Variants in CYTH1 observed in about 807,000 individuals in gnomAD.
The protein encoded by CYTH1 is cytohesin 1, also known as cytohesin-1.
Under a neutral mutation model 61.8 loss-of-function variants are expected in CYTH1, and 18 were observed. That is an observed-to-expected ratio of 0.29 (90% CI 0.20 to 0.43). The LOEUF (loss-of-function observed/expected upper bound fraction) is 0.43. Among genes scored for constraint, CYTH1 ranks in the 20% least tolerant of loss-of-function variants. The pLI is 1.00. For missense variants in CYTH1, 336 were observed against 510.5 expected (o/e 0.66, Z 3.29); for synonymous variants, 174 against 184.3 (o/e 0.94, Z 0.45).
At chr17:78,695,409 T>G (rs1475139303) in intron 10 of CYTH1, among the ~76,000 whole-genome samples, 5 of 152,180 alleles carry the variant, frequency 3.3e-5, no homozygotes, top group Non-Finnish European at 7.3e-5. Context: ...CGGTATCATT[T>G]TGAGTTTAGG....
chr17:78,772,099 C>A lies in CYTH1; in HGVS notation c.22+10103G>T, dbSNP rs557861111. ...ACTAAATTGCAACAATAATTAGAGA[C>A]AATCAAGTAGTGTGGCAACGGAGCA... On this transcript the variant is annotated intron_variant, in intron 1 of 13. Transcript: ENST00000446868. 7.9e-5 allele frequency among the ~76,000 whole-genome samples: 12 copies of A among 152,144 alleles called. No individual in the cohort carries two copies. In the South Asian group the frequency reaches 8.3e-4, roughly 10 times the overall value.
At chr17:78,737,198 C>T (rs1279673841) in intron 1 of CYTH1, among the ~76,000 whole-genome samples, 3 of 152,180 alleles carry the variant, frequency 2.0e-5, no homozygotes, top group South Asian at 2.1e-4. Context: ...CCAAAACCCA[C>T]GGATGCTTGA....
chr17:78,702,290 G>T, intron 4 of CYTH1, 50 bp from the exon 5 acceptor site: 1 of 1,461,438 alleles, frequency 6.8e-7, no homozygotes, highest in Non-Finnish European at 9.6e-7. Context: ...GGAAACAGTT[G>T]AAAAGAAGGG....
intron 3 of CYTH1, among the ~76,000 whole-genome samples, chr17:78,704,640 C>A (rs891565299): frequency 6.6e-6 from 1 of 152,182 alleles, no homozygotes; most frequent in Non-Finnish European, 1.5e-5. Flanking sequence ...CCGGCCTCAG[C>A]CTCCTGAGTA....
chr17:78,735,339 G>A (rs1008091456), intron 1 of CYTH1, among the ~76,000 whole-genome samples: 4 of 152,200 alleles, frequency 2.6e-5, no homozygotes, highest in African/African-American at 7.2e-5. Context: ...GCAAGTAAGC[G>A]TGAGGGACCA....
chr17:78,712,612 TGCCACTGCACTCCA>T (rs2093145783), intron 1 of CYTH1, among the ~76,000 whole-genome samples: 2 of 151,518 alleles, frequency 1.3e-5, no homozygotes, highest in African/African-American at 2.4e-5. Flanking sequence ...GCTGAGATCG[TGCCACTGCACTCCA>T]GCCTAGGCAA....
chr17:78,752,124 A>AT (rs2144676374), intron 1 of CYTH1, among the ~76,000 whole-genome samples: 2 of 152,286 alleles, frequency 1.3e-5, no homozygotes, highest in South Asian at 4.1e-4. Context: ...AATTTGCAAC[A>AT]TATTTCCTAG....
At chr17:78,694,428 C>G (rs2092918499) in intron 10 of CYTH1, among the ~76,000 whole-genome samples, 1 of 152,162 alleles carries the variant, frequency 6.6e-6, no homozygotes, top group Non-Finnish European at 1.5e-5. Context: ...TAAGAGAAAA[C>G]CATAAATGGA....
chr17:78,701,569 T>A, intron 6 of CYTH1, 102 bp downstream of exon 6: 2 of 1,082,786 alleles, frequency 1.8e-6, no homozygotes, highest in Non-Finnish European at 2.8e-6. Flanking sequence ...ATTCAAATCA[T>A]ACCCAAAGAT....
chr17:78,772,834 C>G (rs1365036945), intron 1 of CYTH1, among the ~76,000 whole-genome samples: 3 of 149,886 alleles, frequency 2.0e-5, no homozygotes, highest in Non-Finnish European at 3.0e-5. Context: ...CCACACCTGG[C>G]CTGTTTTGTT....
At chr17:78,746,116 C>T (rs1274637833) in intron 1 of CYTH1, among the ~76,000 whole-genome samples, 1 of 151,554 alleles carries the variant, frequency 6.6e-6, no homozygotes, top group Non-Finnish European at 1.5e-5. Flanking sequence ...CAGACATAGG[C>T]AAAAAACTAT....
intron 10 of CYTH1, among the ~76,000 whole-genome samples, chr17:78,695,037 T>C (rs1189890744): frequency 6.6e-6 from 1 of 152,114 alleles, no homozygotes; most frequent in Admixed American, 6.5e-5. Flanking sequence ...GGATGCCATC[T>C]TCCCCTACAG....
chr17:78,733,251 G>A (rs1033721431), intron 1 of CYTH1, among the ~76,000 whole-genome samples: 1 of 152,058 alleles, frequency 6.6e-6, no homozygotes, highest in Non-Finnish European at 1.5e-5. Flanking sequence ...CTATCTTACA[G>A]CTTAAAATGT....
At chr17:78,756,651 T>C (rs1405691704) in intron 1 of CYTH1, among the ~76,000 whole-genome samples, 13 of 152,098 alleles carry the variant, frequency 8.5e-5, no homozygotes, top group Non-Finnish European at 1.2e-4. Context: ...CAGAACTAAA[T>C]CATTATTTGA....
rs936509973 is a variant in CYTH1, at chr17:78,700,101, T to C, written c.550+230A>G. On this transcript the variant is annotated intron_variant, in intron 7 of 13. Coordinates refer to ENST00000446868, the MANE Select transcript of CYTH1 (RefSeq NM_004762.6). The surrounding 1 kb of genome is among the most constrained non-coding windows in gnomAD (Gnocchi z 5.1). ...TGAGCCACTGCATGCAGCTAAAACA[T>C]GGTTTTTAATAGCTGTGTATTTCGT... is the stretch of plus-strand genomic sequence containing the variant. Among the ~76,000 whole-genome samples the C allele has an allele frequency of 1.3e-5, 2 of 152,208 alleles. No individual in the cohort carries two copies. Among genetic ancestry groups the C allele is most frequent in the Non-Finnish European group, 2.9e-5 (2 of 68,026 alleles).
intron 1 of CYTH1, among the ~76,000 whole-genome samples, chr17:78,748,439 A>C (rs1387217623): frequency 6.6e-6 from 1 of 152,208 alleles, no homozygotes; most frequent in African/African-American, 2.4e-5. Context: ...AACAATGCCT[A>C]GGTTATCAGG....
chr17:78,744,581 T>C (rs2093352810), intron 1 of CYTH1, among the ~76,000 whole-genome samples: 1 of 152,158 alleles, frequency 6.6e-6, no homozygotes, highest in Non-Finnish European at 1.5e-5. Context: ...TTTGGTTACC[T>C]AAAAAACATA....
chr17:78,697,325 CAAAAA>C (rs5822262), intron 9 of CYTH1, among the ~76,000 whole-genome samples: 2 of 95,320 alleles, frequency 2.1e-5, no homozygotes, highest in Admixed American at 1.2e-4. Context: ...TGCTAGTGTC[CAAAAA>C]AAAAAAAAAA....
At chr17:78,707,998 C>T (rs2093087104) in intron 3 of CYTH1, among the ~76,000 whole-genome samples, 199 bp downstream of exon 3, 1 of 152,114 alleles carries the variant, frequency 6.6e-6, no homozygotes, top group Non-Finnish European at 1.5e-5. Flanking sequence ...ATTTTTTAAA[C>T]ACTGGAAGAA....
Sources: gnomAD v4.1 joint callset for allele counts (sites outside exome capture counted in the v4.1 genomes callset) on GRCh38, gnomAD v4.1.1 for gene constraint, Gnocchi (gnomAD v3.1) non-coding constraint, MANE v1.5 for transcripts, NCBI Gene and HGNC (gene_info 2026-07-23, HGNC 2026-07-21) for gene names.